HHLA2: variants seen among roughly 807,000 people sequenced by gnomAD.
HHLA2 encodes HERV-H LTR-associating protein 2.
Under a neutral mutation model 45.9 loss-of-function variants are expected in HHLA2, and 48 were observed. The observed-to-expected ratio is 1.05, with a 90% confidence interval of 0.83 to 1.33. HHLA2 has a LOEUF of 1.33. Among genes scored for constraint, HHLA2 ranks in the 40% most tolerant of loss-of-function variants. HHLA2 has a pLI of 0.00. For missense variants in HHLA2, 462 were observed against 494.3 expected, an observed-to-expected ratio of 0.93 and a Z score of 0.62; for synonymous variants, 161 against 173.9, an observed-to-expected ratio of 0.93 and a Z score of 0.59.
At chr3:108,336,445 C>T (rs1427854480) in intron 3 of HHLA2, among the ~76,000 whole-genome samples, 3 of 152,144 alleles carry the variant, frequency 2.0e-5, no homozygotes, top group Non-Finnish European at 4.4e-5. Context: ...TACTTGCTGT[C>T]CTTCTTAGGG....
intron 3 of HHLA2, among the ~76,000 whole-genome samples, chr3:108,342,190 C>A (rs889330479): frequency 6.6e-6 from 1 of 150,740 alleles, no homozygotes; most frequent in African/African-American, 2.4e-5. Context: ...CTAAAGTCTT[C>A]TTTTAATGGT....
intron 2 of HHLA2, among the ~76,000 whole-genome samples, chr3:108,312,942 A>G (rs1014801036): frequency 6.7e-6 from 1 of 148,362 alleles, no homozygotes. Context: ...TGAAACTAAA[A>G]AAACACAACA....
At chr3:108,319,771 A>G (rs779447946) in intron 2 of HHLA2, among the ~76,000 whole-genome samples, 2 of 152,202 alleles carry the variant, frequency 1.3e-5, no homozygotes, top group Non-Finnish European at 2.9e-5. Context: ...CTCTTTTGCT[A>G]GTTAGCAAAC....
chr3:108,334,714 T>C (rs1196031148), intron 3 of HHLA2, among the ~76,000 whole-genome samples: 2 of 152,196 alleles, frequency 1.3e-5, no homozygotes, highest in Admixed American at 1.3e-4. Context: ...CAGAGGGGAT[T>C]TAATTCAGGG....
chr3:108,356,220 CAG>C (rs2081889095), intron 6 of HHLA2, among the ~76,000 whole-genome samples: 1 of 151,902 alleles, frequency 6.6e-6, no homozygotes, highest in Non-Finnish European at 1.5e-5. Context: ...TTAGTAGAGA[CAG>C]GGTTTCACCA....
At chr3:108,377,316 C>T (rs1393398562) in exon 11 of HHLA2, 2 of 1,509,988 alleles carry the variant, frequency 1.3e-6, no homozygotes, top group Non-Finnish European at 1.8e-6. Context: ...TGACCTGCAT[C>T]CTTAATATCC....
intron 1 of HHLA2, among the ~76,000 whole-genome samples, chr3:108,296,827 A>G (rs1188711951): frequency 1.3e-5 from 2 of 152,258 alleles, no homozygotes; most frequent in African/African-American, 4.8e-5. Flanking sequence ...CAAATAAAAG[A>G]ACTTAGCAAA....
At chr3:108,332,726 A>T (rs2081407914) in intron 3 of HHLA2, among the ~76,000 whole-genome samples, 1 of 152,170 alleles carries the variant, frequency 6.6e-6, no homozygotes, top group Non-Finnish European at 1.5e-5. Flanking sequence ...TGACATACAA[A>T]CAGGGAACTC....
At chr3:108,319,239 T>A (rs558383976) in intron 2 of HHLA2, among the ~76,000 whole-genome samples, 2 of 152,080 alleles carry the variant, frequency 1.3e-5, no homozygotes, top group East Asian at 3.9e-4. Context: ...CACCACATCA[T>A]GTACTTGACT....
At chr3:108,312,972 C>T (rs1400417272) in intron 2 of HHLA2, among the ~76,000 whole-genome samples, 4 of 152,086 alleles carry the variant, frequency 2.6e-5, no homozygotes, top group Admixed American at 2.0e-4. Flanking sequence ...TCTTGAGGAA[C>T]GAACAGTTGT....
chr3:108,356,149 C>T (rs1044985720), intron 6 of HHLA2, among the ~76,000 whole-genome samples: 2 of 151,306 alleles, frequency 1.3e-5, no homozygotes, highest in Admixed American at 6.6e-5. Context: ...CCTGTCTCAG[C>T]CTCCTGAGTA....
intron 8 of HHLA2, among the ~76,000 whole-genome samples, chr3:108,370,075 T>A (rs538258528): frequency 1.3e-5 from 2 of 152,278 alleles, no homozygotes; most frequent in East Asian, 1.9e-4. Context: ...AGGGGCGGAC[T>A]CACACCTCAC....
At chr3:108,345,934 G>A (rs1253534431) in intron 3 of HHLA2, among the ~76,000 whole-genome samples, 1 of 152,196 alleles carries the variant, frequency 6.6e-6, no homozygotes, top group Non-Finnish European at 1.5e-5. Flanking sequence ...TTGAGCTGCT[G>A]TGGTTCTGTG....
exon 11 of HHLA2, chr3:108,377,953 AAAG>A (rs1309748109): frequency 6.6e-6 from 1 of 152,206 alleles, no homozygotes; most frequent in Non-Finnish European, 1.5e-5. Context: ...AAGATCCACA[AAAG>A]AAGTAAAAAT....
At chr3:108,306,518 G>A (rs1457529739) in intron 1 of HHLA2, among the ~76,000 whole-genome samples, 1 of 152,140 alleles carries the variant, frequency 6.6e-6, no homozygotes, top group Non-Finnish European at 1.5e-5. Context: ...CTGTGCGTGT[G>A]TGTGAAGGTT....
intron 3 of HHLA2, among the ~76,000 whole-genome samples, chr3:108,332,237 CT>C (rs1345588273): frequency 6.6e-6 from 1 of 152,124 alleles, no homozygotes; most frequent in Admixed American, 6.6e-5. Flanking sequence ...GGCTACTTAA[CT>C]GGGCACAGTT....
chr3:108,303,964 T>C (rs948834134), intron 1 of HHLA2, among the ~76,000 whole-genome samples: 11 of 152,172 alleles, frequency 7.2e-5, no homozygotes, highest in African/African-American at 9.7e-5. Context: ...GGAAATAAAC[T>C]TTTTGTTAGA....
intron 3 of HHLA2, among the ~76,000 whole-genome samples, chr3:108,328,537 G>A (rs1342048687): frequency 3.3e-5 from 5 of 152,156 alleles, no homozygotes; most frequent in Non-Finnish European, 7.4e-5. Flanking sequence ...AAGGAGTTAG[G>A]TAACTTGGAC....
intron 1 of HHLA2, among the ~76,000 whole-genome samples, chr3:108,304,785 G>A (rs2080902807): frequency 6.6e-6 from 1 of 152,128 alleles, no homozygotes; most frequent in South Asian, 2.1e-4. Context: ...CAGGATGTTA[G>A]GGTACTTGTC....
Sources: gnomAD v4.1 joint callset for allele counts (sites outside exome capture counted in the v4.1 genomes callset) on GRCh38, gnomAD v4.1.1 for gene constraint, MANE v1.5 for transcripts, NCBI Gene and HGNC (gene_info 2026-07-23, HGNC 2026-07-21) for gene names.